The following RASSF4 variants were observed in gnomAD, a reference collection of about 807,000 sequenced individuals.
RASSF4 encodes ras association domain-containing protein 4.
In RASSF4, 38 loss-of-function variants were observed where a neutral mutation model predicts 41.1. The observed-to-expected ratio is 0.92, with a 90% CI of 0.71 to 1.21. The LOEUF (loss-of-function observed/expected upper bound fraction) is 1.21, where lower values mean the gene tolerates loss of function less well. Ranked by LOEUF, RASSF4 falls within the 50% of genes most tolerant of loss-of-function variation. The probability of loss-of-function intolerance (pLI) is 0.00; values close to 1 mark genes in which losing one functional copy is unlikely to be tolerated. For missense variants in RASSF4, 414 were observed against 419.4 expected (o/e 0.99, Z 0.11); for synonymous variants, 179 against 163.4 (o/e 1.10, Z -0.73).
At chr10:44,988,896 A>G (rs1842010280) in intron 6 of RASSF4, among the ~76,000 whole-genome samples, 1 of 152,214 alleles carries the variant, frequency 6.6e-6, no homozygotes, top group African/African-American at 2.4e-5. Flanking sequence ...GAGAATGAAG[A>G]GGAGGAGACA....
chr10:44,979,278 G>T (rs529837138), intron 3 of RASSF4, among the ~76,000 whole-genome samples: 1 of 152,186 alleles, frequency 6.6e-6, no homozygotes, highest in African/African-American at 2.4e-5. Flanking sequence ...GACCAAGGGC[G>T]GTCTGCGGGG....
chr10:44,991,833 A>G, intron 9 of RASSF4, 72 bp from the exon 10 acceptor site: 1 of 1,045,268 alleles, frequency 9.6e-7, no homozygotes, highest in African/African-American at 1.6e-5. Flanking sequence ...CCACTATGGA[A>G]GCCTTGAGGA....
intron 4 of RASSF4, chr10:44,982,901 T>C (rs1322457600): frequency 1.4e-6 from 1 of 699,742 alleles, no homozygotes; most frequent in Non-Finnish European, 2.7e-6. Flanking sequence ...TCTCAAACCT[T>C]CCTGCAAGCC....
chr10:44,992,882 G>A (rs1842169133), intron 10 of RASSF4, among the ~76,000 whole-genome samples: 1 of 152,114 alleles, frequency 6.6e-6, no homozygotes. Context: ...GGATCTGGGG[G>A]GCAACTAGTG....
intron 9 of RASSF4, 43 bp downstream of exon 9, chr10:44,991,112 G>C (rs746401688): frequency 4.5e-6 from 7 of 1,564,996 alleles, no homozygotes; most frequent in Admixed American, 1.8e-5. Context: ...CTAGGGTGAG[G>C]GGTTCTTGGG....
At chr10:44,966,328 G>T (rs895085819) in intron 1 of RASSF4, among the ~76,000 whole-genome samples, 2 of 152,188 alleles carry the variant, frequency 1.3e-5, no homozygotes, top group African/African-American at 2.4e-5. Flanking sequence ...CACTATAGGA[G>T]ACCGGAAGTA....
chr10:44,985,004 A>G, intron 6 of RASSF4, 34 bp downstream of exon 6: 8 of 1,592,040 alleles, frequency 5.0e-6, no homozygotes, highest in Non-Finnish European at 5.1e-6. Flanking sequence ...CCCTGGGCGC[A>G]TGGGGAGCCA....
At chr10:44,989,933 A>G (rs1468933790) in intron 8 of RASSF4, among the ~76,000 whole-genome samples, 3 of 152,218 alleles carry the variant, frequency 2.0e-5, no homozygotes, top group Non-Finnish European at 4.4e-5. Context: ...AAAAGAAAAC[A>G]TACTTTTGGC....
chr10:44,993,277 C>G lies in RASSF4; in HGVS notation c.914C>G (p.Ala305Gly), dbSNP rs1420519710. The G allele has an allele frequency of 6.2e-7, 1 of 1,609,718 alleles. No homozygotes were observed. The highest frequency in any genetic ancestry group is 8.5e-7 in the Non-Finnish European group (1 of 1,179,642). ...EIIKLTMKFQALRLTMLQRLE... is the reference protein window; with the variant it reads ...EIIKLTMKFQGLRLTMLQRLE... Reference sequence around the variant, plus strand: ...GCGATGTCTCCCTCCAGGTTCCAAGCCCTGCGTCTGACGATGCTGCAGCGC... The same window carrying G: ...GCGATGTCTCCCTCCAGGTTCCAAGGCCTGCGTCTGACGATGCTGCAGCGC... Residue 305 changes from alanine to glycine, a missense_variant, in exon 11 of 11, where the codon GCC becomes GGC. Transcript: ENST00000340258.
intron 3 of RASSF4, among the ~76,000 whole-genome samples, chr10:44,972,898 T>A (rs1841240600): frequency 6.6e-6 from 1 of 152,156 alleles, no homozygotes. Context: ...AGCCCAGGCA[T>A]CCAGGCAACT....
intron 8 of RASSF4, 93 bp from the exon 9 acceptor site, chr10:44,990,855 C>A: frequency 7.3e-7 from 1 of 1,371,320 alleles, no homozygotes; most frequent in Non-Finnish European, 1.0e-6. Flanking sequence ...TTCCCTGCGC[C>A]CCTAGACGCA....
chr10:44,960,736 G>A (rs1048272781), intron 1 of RASSF4, among the ~76,000 whole-genome samples: 37 of 152,330 alleles, frequency 2.4e-4, no homozygotes, highest in African/African-American at 8.9e-4. Context: ...ATTAAATAAG[G>A]TCGCACAGCA....
chr10:44,992,192 G>A (rs1842140277), intron 10 of RASSF4, among the ~76,000 whole-genome samples, 190 bp downstream of exon 10: 1 of 152,230 alleles, frequency 6.6e-6, no homozygotes, highest in Admixed American at 6.5e-5. Flanking sequence ...CCACGCTGGG[G>A]TGACAGCTTG....
rs779240408 is a variant in RASSF4, at chr10:44,982,628, C to T, written c.246C>T (p.Ser82=). 1 of 1,613,470 alleles carries T rather than the reference C, an allele frequency of 6.2e-7. No individual in the cohort carries two copies. Among genetic ancestry groups the T allele is most frequent in the Middle Eastern group, 1.7e-4 (1 of 6,036 alleles). ...ACCGGGAGCAGGTGCACCTCCCCTCCACCTCATGGATGCCCAGACGGCCTA... is the reference window on the plus strand; with the variant it reads ...ACCGGGAGCAGGTGCACCTCCCCTCTACCTCATGGATGCCCAGACGGCCTA... ...QDDREQVHLP[S]TSWMPRRPSC... Residue 82 remains serine (S), a synonymous_variant, in exon 4 of 11, where the codon TCC becomes TCT. Transcript: ENST00000340258.
At chr10:44,983,268 C>T (rs533104565) in intron 4 of RASSF4, 1 of 262,476 alleles carries the variant, frequency 3.8e-6, no homozygotes, top group African/African-American at 2.3e-5. Context: ...AGAGCTTTGC[C>T]CCCTTCAGAT....
chr10:44,972,393 G>A (rs977756168), intron 3 of RASSF4, among the ~76,000 whole-genome samples: 20 of 152,208 alleles, frequency 1.3e-4, no homozygotes, highest in Non-Finnish European at 5.9e-5. Context: ...GGAGTCAGCC[G>A]CCCATCAGAT....
At chr10:44,983,653 C>T (rs1841805059) in intron 4 of RASSF4, 1 of 250,968 alleles carries the variant, frequency 4.0e-6, no homozygotes, top group Non-Finnish European at 7.8e-6. Context: ...GCCTGACACC[C>T]CACTAGGCCT....
chr10:44,966,803 C>T (rs1426332632), intron 1 of RASSF4, among the ~76,000 whole-genome samples: 2 of 152,038 alleles, frequency 1.3e-5, no homozygotes, highest in Non-Finnish European at 2.9e-5. Context: ...CCAGCTTGGC[C>T]CACACTCTGA....
intron 8 of RASSF4, 41 bp downstream of exon 8, chr10:44,989,762 T>C (rs1282132009): frequency 1.2e-5 from 19 of 1,564,474 alleles, no homozygotes; most frequent in African/African-American, 2.7e-5. Flanking sequence ...AAGCAAAAGG[T>C]CTCTACCTGT....
Sources: gnomAD v4.1 joint callset for allele counts (sites outside exome capture counted in the v4.1 genomes callset) on GRCh38, gnomAD v4.1.1 for gene constraint, MANE v1.5 for transcripts, NCBI Gene and HGNC (gene_info 2026-07-23, HGNC 2026-07-21) for gene names.